The following TIMD4 variants were observed in gnomAD, a reference collection of about 807,000 sequenced individuals.
TIMD4 encodes the protein T-cell immunoglobulin and mucin domain-containing protein 4.
TIMD4 carries 31 observed loss-of-function variants against 41.2 expected under a neutral mutation model. The observed-to-expected ratio is 0.75, with a 90% CI of 0.57 to 1.01. The LOEUF is 1.01. TIMD4 is among the 50% of genes least tolerant of loss of function. The pLI is 0.00. For missense variants in TIMD4, 479 were observed against 472.5 expected (o/e 1.01, Z -0.13); for synonymous variants, 204 against 177.1 (o/e 1.15, Z -1.21).
At position 156,942,465 on chromosome 5, in the gene TIMD4, A is replaced by C. The variant is rs145172820; in HGVS notation, c.844+5951T>G. On this transcript the variant is annotated intron_variant, in intron 5 of 8. Transcript: ENST00000274532. The stretch of plus-strand genomic sequence containing the variant: ...ATTCTACAGACAAGACTTCCCCCCT[A>C]CATCCCCTGGAAGTTCATAGACACA... Among the ~76,000 whole-genome samples, 1,048 of 152,192 alleles carry C rather than the reference A, an allele frequency of 6.9e-3. 6 individuals carry two copies. The highest frequency in any genetic ancestry group is 0.011 in the Non-Finnish European group (769 of 68,002).
intron 5 of TIMD4, among the ~76,000 whole-genome samples, chr5:156,945,573 A>G (rs111394708): frequency 0.025 from 3,870 of 152,294 alleles, 96 homozygotes; most frequent in African/African-American, 0.066. Context: ...CACAATTATC[A>G]CTATGAATGT....
At chr5:156,932,463 A>T (rs1330885693) in intron 5 of TIMD4, among the ~76,000 whole-genome samples, 1 of 152,206 alleles carries the variant, frequency 6.6e-6, no homozygotes. Context: ...CAATAGATAT[A>T]TACTGCTTGT....
At chr5:156,923,054 A>T (rs1227564758) in intron 6 of TIMD4, among the ~76,000 whole-genome samples, 1 of 151,972 alleles carries the variant, frequency 6.6e-6, no homozygotes, top group African/African-American at 2.4e-5. Flanking sequence ...AGAAAAGTTT[A>T]AACTTTTTTT....
chr5:156,923,890 T>C (rs1177254103), intron 6 of TIMD4, among the ~76,000 whole-genome samples: 2 of 151,724 alleles, frequency 1.3e-5, no homozygotes, highest in African/African-American at 4.8e-5. Flanking sequence ...TACGTTGTAG[T>C]GCAGTGGCAC....
chr5:156,952,606 A>T (rs554488549), intron 2 of TIMD4, among the ~76,000 whole-genome samples: 45 of 152,316 alleles, frequency 3.0e-4, no homozygotes, highest in African/African-American at 1.1e-3. Context: ...CTCATGTCTC[A>T]GCTAAAGGTT....
At chr5:156,948,891 G>A (rs1170067242) in intron 4 of TIMD4, among the ~76,000 whole-genome samples, 2 of 152,216 alleles carry the variant, frequency 1.3e-5, no homozygotes, top group Admixed American at 1.3e-4. Flanking sequence ...CCTTACAGAT[G>A]TCTGTTTTCC....
At chr5:156,947,062 G>A (rs577092632) in intron 5 of TIMD4, among the ~76,000 whole-genome samples, 28 of 152,072 alleles carry the variant, frequency 1.8e-4, no homozygotes, top group African/African-American at 6.0e-4. Flanking sequence ...GCCAGGCATG[G>A]TGGCATGTGC....
chr5:156,954,472 C>G lies in TIMD4; in HGVS notation c.343G>C (p.Glu115Gln), dbSNP rs991857388. 2.5e-6 allele frequency: 4 copies of G among 1,614,128 alleles called. No homozygotes were observed. Among genetic ancestry groups the G allele is most frequent in the Non-Finnish European group, 3.4e-6 (4 of 1,180,062 alleles). ...SDSGVYCCRIEVPGWFNDVKI... is the reference protein window; with the variant it reads ...SDSGVYCCRIQVPGWFNDVKI... ...ACATCGTTGAACCAGCCAGGCACTT[C>G]TATGCGGCAGCAGTACACACCGCTG... The change falls in exon 2 of 9, where the codon GAA becomes CAA. Residue 115 changes from glutamate (E) to glutamine (Q), a missense_variant. Glu to Gln is a conservative substitution (Grantham distance 29). Transcript: ENST00000274532.
At chr5:156,956,331 A>AT (rs1391843720) in intron 1 of TIMD4, among the ~76,000 whole-genome samples, 2 of 152,202 alleles carry the variant, frequency 1.3e-5, no homozygotes, top group Admixed American at 6.5e-5. Flanking sequence ...CAGCTGTGCC[A>AT]TAAAAAAAAA....
chr5:156,944,077 AT>A (rs1733894199), intron 5 of TIMD4, among the ~76,000 whole-genome samples: 1 of 151,928 alleles, frequency 6.6e-6, no homozygotes, highest in African/African-American at 2.4e-5. Flanking sequence ...AAAAAAAGAA[AT>A]AAAGAAATAA....
intron 5 of TIMD4, among the ~76,000 whole-genome samples, chr5:156,946,294 C>T (rs1486886551): frequency 6.6e-6 from 1 of 152,166 alleles, no homozygotes; most frequent in African/African-American, 2.4e-5. Flanking sequence ...GGATCTTTGG[C>T]ACCCCATTTC....
intron 6 of TIMD4, among the ~76,000 whole-genome samples, chr5:156,923,454 A>T (rs914836094): frequency 2.6e-5 from 4 of 151,906 alleles, no homozygotes; most frequent in African/African-American, 9.7e-5. Flanking sequence ...CGGCCTAAAA[A>T]AATTTTTTAA....
intron 1 of TIMD4, among the ~76,000 whole-genome samples, chr5:156,960,892 C>G (rs111710253): frequency 0.03 from 4,507 of 152,264 alleles, 85 homozygotes; most frequent in South Asian, 0.064. Context: ...AAGGAGGATG[C>G]GAACTCATAG....
chr5:156,936,216 G>A (rs59941488), intron 5 of TIMD4, among the ~76,000 whole-genome samples: 3,138 of 152,258 alleles, frequency 0.021, 98 homozygotes, highest in African/African-American at 0.068. Flanking sequence ...TCCAGCCTGA[G>A]CTGCAGAACG....
intron 5 of TIMD4, among the ~76,000 whole-genome samples, chr5:156,928,396 G>A (rs1381786766): frequency 6.6e-6 from 1 of 151,898 alleles, no homozygotes; most frequent in Non-Finnish European, 1.5e-5. Flanking sequence ...AGGAGGTGGA[G>A]GAGAGAAAAA....
chr5:156,932,867 G>C lies in TIMD4; in HGVS notation c.845-6555C>G, dbSNP rs781181416. ...AAAAATGCAAAAATTAGCCAGGCGT[G>C]GTGGTGGGTGCCTGTAATCCCAGCT... is the stretch of plus-strand genomic sequence containing the variant. On this transcript the variant is annotated intron_variant, in intron 5 of 8. Coordinates refer to ENST00000274532, the MANE Select transcript of TIMD4 (RefSeq NM_138379.3). 3.2e-4 allele frequency among the ~76,000 whole-genome samples: 49 copies of C among 152,080 alleles called. 1 individual carries two copies. The highest frequency in any genetic ancestry group is 4.2e-4 in the South Asian group (2 of 4,814).
intron 5 of TIMD4, among the ~76,000 whole-genome samples, chr5:156,939,404 T>G (rs1235587925): frequency 6.6e-6 from 1 of 152,230 alleles, no homozygotes; most frequent in African/African-American, 2.4e-5. Flanking sequence ...ATTATATCCT[T>G]AGTCTTGCAC....
intron 1 of TIMD4, among the ~76,000 whole-genome samples, chr5:156,961,263 C>G (rs901837260): frequency 3.3e-5 from 5 of 152,166 alleles, no homozygotes; most frequent in African/African-American, 1.2e-4. Flanking sequence ...GAAAGAGGAA[C>G]TCTCGTACGC....
intron 1 of TIMD4, among the ~76,000 whole-genome samples, chr5:156,962,403 C>T (rs1343421582): frequency 7.3e-5 from 4 of 54,876 alleles, no homozygotes; most frequent in African/African-American, 1.7e-4. Flanking sequence ...TATTTTGTAT[C>T]CATTTAAAAA....
Sources: gnomAD v4.1 joint callset for allele counts (sites outside exome capture counted in the v4.1 genomes callset) on GRCh38, gnomAD v4.1.1 for gene constraint, MANE v1.5 for transcripts, NCBI Gene and HGNC (gene_info 2026-07-23, HGNC 2026-07-21) for gene names.